Variants in ATRNL1 observed in about 807,000 individuals in gnomAD.
ATRNL1 encodes the protein attractin-like protein 1.
A neutral mutation model predicts 182.7 loss-of-function variants in ATRNL1; 95 were observed. That is an observed-to-expected ratio of 0.52 (90% confidence interval 0.44 to 0.62). The LOEUF is 0.62. Ranked by LOEUF, ATRNL1 falls within the 20% of genes least tolerant of loss-of-function variation. The pLI is 0.00. For missense variants in ATRNL1, 1,471 were observed against 1,679.5 expected, an observed-to-expected ratio of 0.88 and a Z score of 2.17; for synonymous variants, 576 against 568.3, an observed-to-expected ratio of 1.01 and a Z score of -0.19.
At chr10:115,621,274 T>TAGAGAG (rs1243070932) in intron 26 of ATRNL1, among the ~76,000 whole-genome samples, 110 of 48,158 alleles carry the variant, frequency 2.3e-3, no homozygotes, top group African/African-American at 5.0e-3. Context: ...TATATATATA[T>TAGAGAG]ATAGAGAGAG....
intron 26 of ATRNL1, among the ~76,000 whole-genome samples, chr10:115,612,990 C>T (rs575482476): frequency 6.6e-6 from 1 of 152,144 alleles, no homozygotes; most frequent in Admixed American, 6.5e-5. Context: ...ATGATCTTGT[C>T]CTGATTGTTC....
rs1225230069 is a variant in ATRNL1 at position 115,094,338 on chromosome 10, C to T, written c.293+295C>T. 1.3e-5 allele frequency among the ~76,000 whole-genome samples: 2 copies of T among 152,302 alleles called. 1 individual carries two copies. Among genetic ancestry groups the T allele is most frequent in the South Asian group, 4.1e-4 (2 of 4,830 alleles). ...CTTCTGATCCGCTGCTCAGCACGAA[C>T]ATTTTCACAATCAGTTATGATGCCC... On this transcript the variant is annotated intron_variant, in intron 1 of 28. Transcript: ENST00000355044.
At chr10:115,474,322 A>G (rs1341702099) in intron 24 of ATRNL1, among the ~76,000 whole-genome samples, 8 of 151,428 alleles carry the variant, frequency 5.3e-5, no homozygotes, top group Non-Finnish European at 1.0e-4. Context: ...ATCTGTTGAT[A>G]TCCTTAGAAG....
intron 24 of ATRNL1, among the ~76,000 whole-genome samples, chr10:115,496,752 T>TC (rs1157775207): frequency 6.6e-6 from 1 of 152,226 alleles, no homozygotes; most frequent in East Asian, 1.9e-4. Flanking sequence ...AGGCCTCTGC[T>TC]CAAAGGTCCA....
chr10:115,832,541 G>A (rs543353706), intron 27 of ATRNL1, among the ~76,000 whole-genome samples: 5 of 152,094 alleles, frequency 3.3e-5, no homozygotes, highest in African/African-American at 4.8e-5. Context: ...CAACGTATGC[G>A]TCTGTCTGTC....
intron 28 of ATRNL1, among the ~76,000 whole-genome samples, chr10:115,850,337 C>T (rs1951025880): frequency 6.6e-6 from 1 of 152,032 alleles, no homozygotes; most frequent in Non-Finnish European, 1.5e-5. Context: ...AGAAAAAAGG[C>T]AGTATCTGTA....
At chr10:115,519,403 G>C in intron 25 of ATRNL1, 79 bp downstream of exon 25, 3 of 1,201,038 alleles carry the variant, frequency 2.5e-6, no homozygotes, top group Non-Finnish European at 3.6e-6. Context: ...TTAGATAATC[G>C]ACCAATTCTA....
chr10:115,947,895 A>T lies in ATRNL1; in HGVS notation c.*3116A>T, dbSNP rs1953911112. The T allele has an allele frequency of 6.6e-6, 1 of 152,198 alleles. No individual in the cohort carries two copies. The allele number at this position is 152,198 out of a possible 1,614,324, so 9.4% of individuals were successfully genotyped here. On this transcript the variant is annotated 3_prime_UTR_variant, in exon 29 of 29. Coordinates refer to ENST00000355044, the MANE Select transcript of ATRNL1 (RefSeq NM_207303.4). ...GGGCGGTAATGGTGCCCACCTTTCGAGGCATTGCGAGGCTAGATGGTAACA... is the reference window on the plus strand; with the variant it reads ...GGGCGGTAATGGTGCCCACCTTTCGTGGCATTGCGAGGCTAGATGGTAACA...
chr10:115,566,145 G>T (rs1854064011), intron 26 of ATRNL1, among the ~76,000 whole-genome samples: 1 of 151,770 alleles, frequency 6.6e-6, no homozygotes, highest in African/African-American at 2.4e-5. Flanking sequence ...GTATGGCCCA[G>T]GCTGGTCTTG....
At chr10:115,741,721 A>G (rs1395434534) in intron 27 of ATRNL1, among the ~76,000 whole-genome samples, 2 of 152,160 alleles carry the variant, frequency 1.3e-5, no homozygotes, top group Admixed American at 6.5e-5. Context: ...TTGACAATGT[A>G]GAATATATAG....
At chr10:115,573,689 A>G (rs1854540528) in intron 26 of ATRNL1, among the ~76,000 whole-genome samples, 1 of 152,166 alleles carries the variant, frequency 6.6e-6, no homozygotes, top group African/African-American at 2.4e-5. Flanking sequence ...ATAAATAGGT[A>G]ACACAAAGTG....
chr10:115,362,388 T>C (rs1856791338), intron 19 of ATRNL1, among the ~76,000 whole-genome samples: 1 of 152,090 alleles, frequency 6.6e-6, no homozygotes, highest in Non-Finnish European at 1.5e-5. Flanking sequence ...TACAACATCA[T>C]GTTTGGTTTA....
At chr10:115,830,088 G>A (rs781799777) in intron 27 of ATRNL1, among the ~76,000 whole-genome samples, 1 of 152,194 alleles carries the variant, frequency 6.6e-6, no homozygotes, top group Non-Finnish European at 1.5e-5. Context: ...GCCAAAGTCT[G>A]CAGTTCTAGC....
chr10:115,839,174 T>C (rs1403580728), intron 27 of ATRNL1, among the ~76,000 whole-genome samples: 1 of 152,190 alleles, frequency 6.6e-6, no homozygotes, highest in African/African-American at 2.4e-5. Context: ...TTTAATTTAA[T>C]GTTCCCTCAG....
In ATRNL1 at chr10:115,660,589, C is replaced by T. The variant is rs568049706; in HGVS notation, c.3796-66659C>T. Among the ~76,000 whole-genome samples the T allele has an allele frequency of 3.3e-5, 5 of 152,014 alleles. No individual in the cohort carries two copies. The East Asian group carries it at 9.7e-4, about 29-fold the overall frequency. The stretch of plus-strand genomic sequence containing the variant: ...TTCTAAGGCAAGGATATTTTAAGAA[C>T]GCTTCAGGATGACACCTAAGTAAGG... On this transcript the variant is annotated intron_variant, in intron 26 of 28. Transcript: ENST00000355044.
intron 8 of ATRNL1, among the ~76,000 whole-genome samples, chr10:115,183,589 A>G (rs575929387): frequency 6.6e-6 from 1 of 151,746 alleles, no homozygotes; most frequent in South Asian, 2.1e-4. Context: ...AAAATGTTGA[A>G]GAAATGAATT....
intron 19 of ATRNL1, among the ~76,000 whole-genome samples, chr10:115,355,155 C>T (rs1592509479): frequency 6.6e-6 from 1 of 151,980 alleles, no homozygotes; most frequent in East Asian, 1.9e-4. Context: ...TCATTTACTC[C>T]GTGTGATGAG....
Position 115,919,563 on chromosome 10 carries a change from T to C in ATRNL1, c.4019-25095T>C, listed in dbSNP as rs1258331542. On this transcript the variant is annotated intron_variant, in intron 28 of 28. Coordinates refer to ENST00000355044, the MANE Select transcript of ATRNL1 (RefSeq NM_207303.4). ...TCTTCAGATAAAATGATGATGAAGGTATTAACATTCTGTGCTATAGATGCC... is the reference window on the plus strand; with the variant it reads ...TCTTCAGATAAAATGATGATGAAGGCATTAACATTCTGTGCTATAGATGCC... Among the ~76,000 whole-genome samples the C allele has an allele frequency of 2.0e-5, 3 of 152,158 alleles. No individual in the cohort carries two copies. In the East Asian group the frequency reaches 5.8e-4, roughly 29 times the overall value.
At chr10:115,378,129 A>C (rs1253539743) in intron 19 of ATRNL1, among the ~76,000 whole-genome samples, 1 of 152,114 alleles carries the variant, frequency 6.6e-6, no homozygotes, top group South Asian at 2.1e-4. Context: ...CAAGGTCTTC[A>C]TATCTGTCTC....
Sources: allele counts gnomAD v4.1 joint callset (sites outside exome capture counted in the v4.1 genomes callset), GRCh38; gene constraint gnomAD v4.1.1; transcripts MANE v1.5; gene names NCBI Gene and HGNC (gene_info 2026-07-23, HGNC 2026-07-21).